Variants in INTS13 observed in about 807,000 individuals in gnomAD.
INTS13 encodes the protein asunder, spermatogenesis regulator homolog (Drosphila).
Under a neutral mutation model 90.2 loss-of-function variants are expected in INTS13, and 35 were observed. The ratio of observed to expected loss-of-function variants is 0.39; its 90% CI spans 0.30 to 0.51. The LOEUF is 0.51. INTS13 is among the 20% of genes least tolerant of loss of function. INTS13 has a pLI of 0.80. For missense variants in INTS13, 601 were observed against 851.2 expected (o/e 0.71, Z 3.66); for synonymous variants, 309 against 277.1 (o/e 1.11, Z -1.14).
Position 26,913,618 on chromosome 12 carries a change from C to A in INTS13, c.1644G>T (p.Glu548Asp), listed in dbSNP as rs1592202570. 1.9e-6 allele frequency: 3 copies of A among 1,614,086 alleles called. No individual in the cohort carries two copies. Among genetic ancestry groups the A allele is most frequent in the Non-Finnish European group, 2.5e-6 (3 of 1,180,012 alleles). The change falls in exon 14 of 17, where the codon GAG (glutamate) becomes GAT (aspartate). Residue 548 changes from glutamate to aspartate, a missense_variant. Physicochemically the swap from Glu to Asp is conservative, Grantham distance 45. This residue lies in a region of INTS13 where 228 missense variants were observed against 272.5 expected (regional missense o/e 0.84). Coordinates refer to ENST00000261191, the MANE Select transcript of INTS13 (RefSeq NM_018164.3). ...TLVRAHINNS[E>D]KHQRVLECLM... ...GACATTCCAAGACTCTTTGATGTTT[C>A]TCTGAGTTGTTGATATGGGCTCTGA...
chr12:26,922,665 A>G lies in INTS13; in HGVS notation c.840T>C (p.Asp280=). The change falls in exon 8 of 17, where the codon GAT becomes GAC. Residue 280 remains aspartate (D), a synonymous_variant. Coordinates refer to ENST00000261191, the MANE Select transcript of INTS13 (RefSeq NM_018164.3). The stretch of plus-strand genomic sequence containing the variant: ...CATCTTTGTGATGAAGTAGCTCCAC[A>G]TCATAATTGGCAGATGTGTTAGCAT... ...EQHANTSANY[D]VELLHHKDAH... 1 of 1,588,488 alleles carries G rather than the reference A, an allele frequency of 6.3e-7. No individual in the cohort carries two copies. The highest frequency in any genetic ancestry group is 8.6e-7 in the Non-Finnish European group (1 of 1,166,990).
intron 3 of INTS13, among the ~76,000 whole-genome samples, chr12:26,931,982 G>C (rs945125392): frequency 1.3e-5 from 2 of 150,728 alleles, no homozygotes; most frequent in Non-Finnish European, 2.9e-5. Context: ...AGCTGCTTGG[G>C]AAGCTGAGGC....
At chr12:26,913,141 C>G (rs1402373717) in intron 14 of INTS13, among the ~76,000 whole-genome samples, 2 of 152,064 alleles carry the variant, frequency 1.3e-5, no homozygotes, top group Non-Finnish European at 2.9e-5. Context: ...ATTTAGTGAA[C>G]AGAGGAATAA....
At chr12:26,910,678 C>G (rs966387068) in intron 15 of INTS13, among the ~76,000 whole-genome samples, 1 of 152,088 alleles carries the variant, frequency 6.6e-6, no homozygotes, top group Non-Finnish European at 1.5e-5. Context: ...TAAAAATTAC[C>G]CAGTCTTGGG....
At chr12:26,909,330 C>T (rs572669576) in intron 15 of INTS13, among the ~76,000 whole-genome samples, 1 of 152,290 alleles carries the variant, frequency 6.6e-6, no homozygotes, top group South Asian at 2.1e-4. Flanking sequence ...CATTGCACTC[C>T]ACCCTGGGCA....
intron 3 of INTS13, among the ~76,000 whole-genome samples, 194 bp downstream of exon 3, chr12:26,934,362 C>G (rs1938350872): frequency 6.6e-6 from 1 of 152,126 alleles, no homozygotes; most frequent in African/African-American, 2.4e-5. Flanking sequence ...ATGACAACTA[C>G]TAAAAAATGG....
At chr12:26,913,348 T>A in intron 14 of INTS13, 109 bp downstream of exon 14, 1 of 714,782 alleles carries the variant, frequency 1.4e-6, no homozygotes, top group Non-Finnish European at 2.4e-6. Flanking sequence ...TGAATAAACA[T>A]GTATTAAATG....
chr12:26,923,597 G>A (rs1242191722), intron 7 of INTS13, among the ~76,000 whole-genome samples: 1 of 152,136 alleles, frequency 6.6e-6, no homozygotes, highest in Non-Finnish European at 1.5e-5. Flanking sequence ...CTTACTATGG[G>A]CCGGGCACTG....
chr12:26,935,305 CT>C (rs1265880048), intron 2 of INTS13, among the ~76,000 whole-genome samples: 1 of 152,180 alleles, frequency 6.6e-6, no homozygotes, highest in Non-Finnish European at 1.5e-5. Flanking sequence ...TTTTGGAAAA[CT>C]TATCAAATGA....
Position 26,914,142 on chromosome 12 carries a change from T to C in INTS13, c.1420-14A>G. On this transcript the variant is annotated splice_polypyrimidine_tract_variant and intron_variant, in intron 12 of 16. Transcript: ENST00000261191. ...TAATGGAACTACCTGTTAGATTTTT[T>C]TTAAAGAAAAAAGAAAATCTGTCTT... 2 of 1,552,376 alleles carry C rather than the reference T, an allele frequency of 1.3e-6. No individual in the cohort carries two copies. The highest frequency in any genetic ancestry group is 1.7e-6 in the Non-Finnish European group (2 of 1,158,002).
chr12:26,913,254 GCC>G (rs975681665), intron 14 of INTS13, among the ~76,000 whole-genome samples: 3 of 152,096 alleles, frequency 2.0e-5, no homozygotes, highest in African/African-American at 7.2e-5. Flanking sequence ...CACTAACTTT[GCC>G]CCAACAGTAA....
At chr12:26,921,945 T>G (rs1489832920) in intron 8 of INTS13, among the ~76,000 whole-genome samples, 1 of 152,224 alleles carries the variant, frequency 6.6e-6, no homozygotes, top group East Asian at 1.9e-4. Context: ...TGTGAGCCAC[T>G]ACCCCCGGCC....
intron 3 of INTS13, among the ~76,000 whole-genome samples, chr12:26,929,309 T>C (rs1938059478): frequency 6.6e-6 from 1 of 152,170 alleles, no homozygotes; most frequent in Non-Finnish European, 1.5e-5. Flanking sequence ...TCATACTTAA[T>C]GGTGAAAGAT....
rs772468790 is a variant in INTS13, at chr12:26,913,619, T to C, written c.1643A>G (p.Glu548Gly). Residue 548 changes from glutamate to glycine, a missense_variant, in exon 14 of 17, where the codon GAG becomes GGG. Physicochemically the swap from Glu to Gly is moderately conservative, Grantham distance 98. Transcript: ENST00000261191. ...TLVRAHINNS[E>G]KHQRVLECLM... is the part of the protein sequence containing the mutation. The stretch of plus-strand genomic sequence containing the variant: ...ACATTCCAAGACTCTTTGATGTTTC[T>C]CTGAGTTGTTGATATGGGCTCTGAC... The C allele has an allele frequency of 7.4e-6, 12 of 1,614,158 alleles. No individual in the cohort carries two copies. The highest frequency in any genetic ancestry group is 1.0e-5 in the Non-Finnish European group (12 of 1,180,022).
chr12:26,915,808 T>C (rs1951915576), intron 11 of INTS13, among the ~76,000 whole-genome samples, 194 bp downstream of exon 11: 1 of 152,180 alleles, frequency 6.6e-6, no homozygotes, highest in Admixed American at 6.5e-5. Flanking sequence ...ATATACTGAA[T>C]ATACAATAAG....
chr12:26,932,522 T>A (rs1938250708), intron 3 of INTS13, among the ~76,000 whole-genome samples: 1 of 152,126 alleles, frequency 6.6e-6, no homozygotes, highest in African/African-American at 2.4e-5. Flanking sequence ...CTGAAAGGTA[T>A]CAAATATGGA....
chr12:26,935,330 T>C (rs1938403653), intron 2 of INTS13, among the ~76,000 whole-genome samples: 1 of 152,248 alleles, frequency 6.6e-6, no homozygotes, highest in South Asian at 2.1e-4. Context: ...TTCTGACCCA[T>C]GTTCCTTTTT....
intron 7 of INTS13, 37 bp downstream of exon 7, chr12:26,924,318 C>A (rs1252662178): frequency 6.2e-7 from 1 of 1,604,990 alleles, no homozygotes; most frequent in Non-Finnish European, 8.5e-7. Flanking sequence ...AAAAGCAAAG[C>A]AGTGCTTTCA....
intron 3 of INTS13, among the ~76,000 whole-genome samples, chr12:26,930,688 T>A (rs1938140872): frequency 6.6e-6 from 1 of 152,182 alleles, no homozygotes; most frequent in African/African-American, 2.4e-5. Flanking sequence ...AAGTAATAAT[T>A]CCTTTATGAC....
Sources: allele counts gnomAD v4.1 joint callset (sites outside exome capture counted in the v4.1 genomes callset), GRCh38; gene constraint gnomAD v4.1.1; regional missense constraint gnomAD v4.1.1; transcripts MANE v1.5; gene names NCBI Gene and HGNC (gene_info 2026-07-23, HGNC 2026-07-21).